The following CSMD1 variants were observed in gnomAD, a reference collection of about 807,000 sequenced individuals.
The protein encoded by CSMD1 is CUB and Sushi multiple domains 1.
In CSMD1, 213 loss-of-function variants were observed where a neutral mutation model predicts 417.5. That is an observed-to-expected ratio of 0.51 (90% CI 0.46 to 0.57). CSMD1 has a LOEUF of 0.57. Among genes scored for constraint, CSMD1 ranks in the 20% least tolerant of loss-of-function variants. CSMD1 has a pLI of 0.00. For missense variants in CSMD1, 6,923 were observed against 4,529.7 expected (o/e 1.53, Z -15.17); for synonymous variants, 2,862 against 1,736.8 (o/e 1.65, Z -16.11).
Position 3,501,661 on chromosome 8 carries a change from G to C in CSMD1, c.1345-7935C>G, listed in dbSNP as rs1035463835. Among the ~76,000 whole-genome samples the C allele has an allele frequency of 4.6e-5, 7 of 152,110 alleles. No individual in the cohort carries two copies. The East Asian group carries it at 1.2e-3, about 25-fold the overall frequency. ...TCATTCCACTTCAAATTATGTATCA[G>C]AAGAAAGGCCTTTCAAACAGTGAAT... is the stretch of plus-strand genomic sequence containing the variant. On this transcript the variant is annotated intron_variant, in intron 10 of 69. Transcript: ENST00000635120.
intron 5 of CSMD1, among the ~76,000 whole-genome samples, chr8:3,890,949 C>G (rs1404041987): frequency 6.6e-6 from 1 of 150,406 alleles, no homozygotes; most frequent in Non-Finnish European, 1.5e-5. Flanking sequence ...GACTCTCATA[C>G]GACTCTCTCA....
intron 6 of CSMD1, among the ~76,000 whole-genome samples, chr8:3,749,270 C>T (rs982559495): frequency 6.6e-6 from 1 of 152,192 alleles, no homozygotes; most frequent in Non-Finnish European, 1.5e-5. Context: ...ATCTTACATT[C>T]AACCACAGCC....
chr8:4,332,270 A>G (rs1259271820), intron 3 of CSMD1, among the ~76,000 whole-genome samples: 1 of 152,142 alleles, frequency 6.6e-6, no homozygotes, highest in African/African-American at 2.4e-5. Context: ...CCAAGGAGCC[A>G]AAGGGCTGTG....
chr8:4,262,792 T>C (rs1386234330), intron 3 of CSMD1, among the ~76,000 whole-genome samples: 4 of 152,196 alleles, frequency 2.6e-5, no homozygotes. Flanking sequence ...GGAAGTATGT[T>C]CCACCAGATA....
chr8:3,209,529 C>T (rs1797484512), intron 30 of CSMD1, among the ~76,000 whole-genome samples: 1 of 151,914 alleles, frequency 6.6e-6, no homozygotes, highest in Admixed American at 6.6e-5. Context: ...CCATGTTAGC[C>T]AGGATGTTAT....
At chr8:4,121,399 G>C (rs371934134) in intron 3 of CSMD1, among the ~76,000 whole-genome samples, 58 of 152,256 alleles carry the variant, frequency 3.8e-4, no homozygotes, top group African/African-American at 9.9e-4. Context: ...ACAGGCATGA[G>C]TGTCAATGTA....
At chr8:3,379,972 G>C (rs1307463916) in intron 18 of CSMD1, among the ~76,000 whole-genome samples, 1 of 151,984 alleles carries the variant, frequency 6.6e-6, no homozygotes, top group East Asian at 1.9e-4. Flanking sequence ...CAGAATGGGA[G>C]AAAAATTTTG....
At chr8:3,965,293 G>C (rs889277573) in intron 5 of CSMD1, among the ~76,000 whole-genome samples, 1 of 152,166 alleles carries the variant, frequency 6.6e-6, no homozygotes, top group African/African-American at 2.4e-5. Context: ...AGGTCTCTAA[G>C]CATGGGTTTC....
chr8:4,715,127 A>G (rs990361592), intron 1 of CSMD1, among the ~76,000 whole-genome samples: 3 of 152,230 alleles, frequency 2.0e-5, no homozygotes, highest in Admixed American at 1.3e-4. Context: ...TCCAAAAACT[A>G]GTAAGATTAA....
Position 3,284,047 on chromosome 8 carries a change from G to T in CSMD1, c.4153+97C>A, listed in dbSNP as rs372923249. The T allele has an allele frequency of 5.9e-6, 6 of 1,017,332 alleles. No homozygotes were observed. The Admixed American group carries it at 8.1e-5, about 14-fold the overall frequency. The allele number at this position is 1,017,332 out of a possible 1,614,324, so 63.0% of individuals were successfully genotyped here. A position where few individuals can be genotyped will look rare whatever the true frequency, so the allele number is the denominator to read the frequency against. ...AAATTAGGCTCAATAAATTGCATCTGTGTAAGGAGACGCTGGTGAATATAA... is the reference window on the plus strand; with the variant it reads ...AAATTAGGCTCAATAAATTGCATCTTTGTAAGGAGACGCTGGTGAATATAA... On this transcript the variant is annotated intron_variant, in intron 26 of 69. Coordinates refer to ENST00000635120, the MANE Select transcript of CSMD1 (RefSeq NM_033225.6).
chr8:2,965,335 G>T (rs936699794), intron 59 of CSMD1, among the ~76,000 whole-genome samples: 5 of 152,088 alleles, frequency 3.3e-5, no homozygotes, highest in African/African-American at 1.2e-4. Flanking sequence ...AAACATCACG[G>T]TGCTAACACT....
At chr8:3,348,453 A>G (rs1049171404) in intron 21 of CSMD1, among the ~76,000 whole-genome samples, 1 of 152,238 alleles carries the variant, frequency 6.6e-6, no homozygotes, top group African/African-American at 2.4e-5. Flanking sequence ...GAGGTGCTCC[A>G]GCACCATGGC....
intron 2 of CSMD1, among the ~76,000 whole-genome samples, chr8:4,466,053 G>C (rs997471773): frequency 6.6e-6 from 1 of 152,192 alleles, no homozygotes; most frequent in Non-Finnish European, 1.5e-5. Context: ...ACCATCCAAT[G>C]ATAACACAAG....
At chr8:4,895,599 G>A (rs184892455) in intron 1 of CSMD1, among the ~76,000 whole-genome samples, 13 of 152,036 alleles carry the variant, frequency 8.6e-5, no homozygotes, top group Non-Finnish European at 1.8e-4. Flanking sequence ...TTATTCGGGG[G>A]CTTCTTTTTA....
intron 1 of CSMD1, among the ~76,000 whole-genome samples, chr8:4,668,686 G>A (rs1366841738): frequency 1.3e-5 from 2 of 151,824 alleles, no homozygotes; most frequent in Non-Finnish European, 2.9e-5. Flanking sequence ...TCCTGACCTA[G>A]TGATCTCCCC....
chr8:4,236,035 GTTTGTTTTT>G (rs1802030569), intron 3 of CSMD1, among the ~76,000 whole-genome samples: 1 of 112,614 alleles, frequency 8.9e-6, no homozygotes, highest in Admixed American at 9.9e-5. Context: ...TGTTTTTTTT[GTTTGTTTTT>G]TTTTTTTTTT....
chr8:3,894,249 G>A (rs1251202354), intron 5 of CSMD1, among the ~76,000 whole-genome samples: 1 of 151,968 alleles, frequency 6.6e-6, no homozygotes, highest in African/African-American at 2.4e-5. Flanking sequence ...GTCAACATCT[G>A]CAGTCCCATC....
At chr8:4,267,302 G>A (rs1309103006) in intron 3 of CSMD1, among the ~76,000 whole-genome samples, 1 of 102,706 alleles carries the variant, frequency 9.7e-6, no homozygotes, top group East Asian at 2.6e-4. Flanking sequence ...TAACCATTTA[G>A]AAAATATAAT....
intron 49 of CSMD1, among the ~76,000 whole-genome samples, chr8:3,056,684 T>G (rs1812250477): frequency 6.6e-6 from 1 of 152,076 alleles, no homozygotes. Context: ...TGAGGATTTC[T>G]GAGGATTTTT....
Sources: allele counts gnomAD v4.1 joint callset (sites outside exome capture counted in the v4.1 genomes callset), GRCh38; gene constraint gnomAD v4.1.1; transcripts MANE v1.5; gene names NCBI Gene and HGNC (gene_info 2026-07-23, HGNC 2026-07-21).